Variants in SGCD observed in about 807,000 individuals in gnomAD.
The protein encoded by SGCD is sarcoglycan delta.
SGCD carries 18 observed loss-of-function variants against 36.6 expected under a neutral mutation model. The ratio of observed to expected loss-of-function variants is 0.49; its 90% CI spans 0.34 to 0.73. The LOEUF is 0.73. Ranked by LOEUF, SGCD falls within the 30% of genes least tolerant of loss-of-function variation. SGCD has a pLI of 0.01. For synonymous variants in SGCD, 133 were observed against 130.6 expected (o/e 1.02, Z -0.12); for missense variants, 387 against 346.7 (o/e 1.12, Z -0.92).
At chr5:156,151,837 T>A (rs1285673261) in intron 3 of SGCD, among the ~76,000 whole-genome samples, 1 of 151,492 alleles carries the variant, frequency 6.6e-6, no homozygotes, top group Non-Finnish European at 1.5e-5. Context: ...TTCTTCTTTT[T>A]TTTTTGGTCT....
the SGCD span, among the ~76,000 whole-genome samples, chr5:155,851,530 A>G: frequency 6.6e-6 from 1 of 152,106 alleles, no homozygotes; most frequent in African/African-American, 2.4e-5. Flanking sequence ...GGTGTTTGTG[A>G]TCAGTGCTTA....
rs113986253 is a variant in SGCD at position 156,196,101 on chromosome 5, A to G, written c.-44+72082A>G. On this transcript the variant is annotated intron_variant, in intron 3 of 9. Transcript: ENST00000517913. The stretch of plus-strand genomic sequence containing the variant: ...GAGATTCTTAGTTCTGATAATTCCA[A>G]CTTCATCCCTTTATTTTCCCAGACC... Among the ~76,000 whole-genome samples the G allele has an allele frequency of 4.6e-5, 7 of 152,038 alleles. 1 individual carries two copies. The highest frequency in any genetic ancestry group is 1.7e-4 in the African/African-American group (7 of 41,486).
At chr5:156,282,017 C>G (rs1028172591) in intron 3 of SGCD, among the ~76,000 whole-genome samples, 5 of 151,286 alleles carry the variant, frequency 3.3e-5, no homozygotes, top group Non-Finnish European at 7.4e-5. Context: ...GGGGACAGAG[C>G]GAGACTCCAT....
In SGCD at chr5:156,069,385, T is replaced by C. The variant is rs185487565; in HGVS notation, c.-281-48493T>C. ...GCACCATTTATTAAATAGGGAATCC[T>C]TTCCCCATTGCTTGTTTTTCTCAGG... On this transcript the variant is annotated intron_variant, in intron 1 of 9. Transcript: ENST00000517913. Among the ~76,000 whole-genome samples, 29 of 152,270 alleles carry C rather than the reference T, an allele frequency of 1.9e-4. No homozygotes were observed. In the East Asian group the frequency reaches 4.8e-3, roughly 25 times the overall value.
rs138257504 is a variant in SGCD at position 156,428,673 on chromosome 5, A to G, written c.193-79928A>G. On this transcript the variant is annotated intron_variant, in intron 3 of 8. Transcript: ENST00000337851. The stretch of plus-strand genomic sequence containing the variant: ...TTCAGACTTTTGATGTACTCATTTA[A>G]TGCTGTAAACTTTCCACTTAGCACT... Among the ~76,000 whole-genome samples, 123 of 152,172 alleles carry G rather than the reference A, an allele frequency of 8.1e-4. 1 individual carries two copies. The highest frequency in any genetic ancestry group is 2.8e-3 in the African/African-American group (118 of 41,548).
chr5:156,368,828 A>T (rs2127738013), intron 3 of SGCD, among the ~76,000 whole-genome samples: 1 of 152,296 alleles, frequency 6.6e-6, no homozygotes, highest in African/African-American at 2.4e-5. Context: ...TTGCAGGAAA[A>T]CAAGCTCAGG....
rs1258291495 is a variant in SGCD, at chr5:156,609,395, A to G, written c.502+14344A>G. ...GCCCCCACTCTCTTCTGGCTTGTAG[A>G]GTTTCTGCCGAGAGATCGGCTGTTA... is the stretch of plus-strand genomic sequence containing the variant. On this transcript the variant is annotated intron_variant, in intron 6 of 8. Transcript: ENST00000337851. 7.0e-4 allele frequency among the ~76,000 whole-genome samples: 106 copies of G among 152,096 alleles called. 1 individual carries two copies. Among genetic ancestry groups the G allele is most frequent in the Non-Finnish European group, 1.2e-4 (8 of 68,014 alleles).
At chr5:156,006,865 C>T (rs1386441219) in intron 1 of SGCD, among the ~76,000 whole-genome samples, 1 of 152,182 alleles carries the variant, frequency 6.6e-6, no homozygotes, top group Non-Finnish European at 1.5e-5. Flanking sequence ...TACCCATTCC[C>T]AATCCCCCTT....
intron 7 of SGCD, among the ~76,000 whole-genome samples, chr5:156,730,437 T>G (rs1756000306): frequency 6.6e-6 from 1 of 152,212 alleles, no homozygotes; most frequent in African/African-American, 2.4e-5. Flanking sequence ...TGTGTTCTCA[T>G]AATTTAGCTC....
At chr5:156,035,956 G>A (rs1554113592) in intron 1 of SGCD, among the ~76,000 whole-genome samples, 1 of 152,150 alleles carries the variant, frequency 6.6e-6, no homozygotes, top group Non-Finnish European at 1.5e-5. Flanking sequence ...TAGGGAAGCT[G>A]TTAGTTATAT....
intron 3 of SGCD, among the ~76,000 whole-genome samples, chr5:156,173,089 T>TA (rs938162185): frequency 1.1e-4 from 16 of 152,086 alleles, no homozygotes; most frequent in South Asian, 4.1e-4. Context: ...TTAACTATTT[T>TA]AAAAAATCTC....
intron 3 of SGCD, among the ~76,000 whole-genome samples, chr5:156,169,995 C>T (rs1469340649): frequency 6.6e-6 from 1 of 152,106 alleles, no homozygotes; most frequent in East Asian, 1.9e-4. Flanking sequence ...TGATTGACTC[C>T]AAGGATCTCA....
chr5:156,446,409 G>A (rs1009924959), intron 3 of SGCD, among the ~76,000 whole-genome samples: 58 of 152,182 alleles, frequency 3.8e-4, no homozygotes, highest in African/African-American at 1.3e-3. Context: ...GGTGTGGAGA[G>A]GGTTTTGATG....
intron 3 of SGCD, among the ~76,000 whole-genome samples, chr5:156,155,635 G>A (rs1409794912): frequency 7.1e-6 from 1 of 141,704 alleles, no homozygotes; most frequent in Non-Finnish European, 1.5e-5. Flanking sequence ...AAAAAAAGAA[G>A]CACACAGGAT....
the SGCD span, among the ~76,000 whole-genome samples, chr5:155,795,704 T>C: frequency 2.3e-4 from 35 of 152,244 alleles, no homozygotes; most frequent in African/African-American, 7.2e-4. Flanking sequence ...ATTAAAAGAC[T>C]AAAATTGTCT....
chr5:156,350,001 A>G (rs1769154231), intron 3 of SGCD, among the ~76,000 whole-genome samples: 1 of 151,840 alleles, frequency 6.6e-6, no homozygotes, highest in African/African-American at 2.4e-5. Flanking sequence ...CTGATACCAC[A>G]TGTTCTTTTT....
chr5:156,342,043 A>G (rs909988204), intron 2 of SGCD, among the ~76,000 whole-genome samples: 15 of 152,198 alleles, frequency 9.9e-5, no homozygotes, highest in African/African-American at 3.1e-4. Context: ...CTCCATCAGT[A>G]ACTCTGATGT....
Position 156,589,258 on chromosome 5 carries a change from AG to A in SGCD, c.323del (p.Arg108LysfsTer5). ...TAATGCCCTGTACTTCAAGTCTGCCAGAAATGTTACAGTGAACATTCTCAAT... is the reference window on the plus strand; with the variant it reads ...TAATGCCCTGTACTTCAAGTCTGCCAAAATGTTACAGTGAACATTCTCAAT... ...PGNALYFKSA[R>X]NVTVNILNDQ... On this transcript the variant is annotated frameshift_variant, in exon 5 of 9. Coordinates refer to ENST00000337851, the MANE Select transcript of SGCD (RefSeq NM_000337.6). LOFTEE classifies it high-confidence loss of function. The A allele has an allele frequency of 6.4e-7, 1 of 1,573,636 alleles. No individual in the cohort carries two copies. The highest frequency in any genetic ancestry group is 2.3e-5 in the East Asian group (1 of 43,742).
chr5:156,694,870 T>A (rs529403959), intron 7 of SGCD, among the ~76,000 whole-genome samples: 56 of 152,304 alleles, frequency 3.7e-4, no homozygotes, highest in African/African-American at 1.3e-3. Context: ...ATGCTGGTGC[T>A]ACACCAAAAC....
Sources: gnomAD v4.1 joint callset for allele counts (sites outside exome capture counted in the v4.1 genomes callset) on GRCh38, gnomAD v4.1.1 for gene constraint, MANE v1.5 for transcripts, NCBI Gene and HGNC (gene_info 2026-07-23, HGNC 2026-07-21) for gene names.